SRPK2: variants seen among roughly 807,000 people sequenced by gnomAD.
SRPK2 encodes the protein SRSF protein kinase 2, also known as SFRS protein kinase 2.
Under a neutral mutation model 90.8 loss-of-function variants are expected in SRPK2, and 21 were observed. That is an observed-to-expected ratio of 0.23 (90% CI 0.16 to 0.33). The LOEUF is 0.33. Ranked by LOEUF, SRPK2 falls within the 10% of genes least tolerant of loss-of-function variation. The probability of loss-of-function intolerance (pLI) is 1.00; values close to 1 mark genes in which losing one functional copy is unlikely to be tolerated. For synonymous variants in SRPK2, 288 were observed against 311.1 expected, an observed-to-expected ratio of 0.93 and a Z score of 0.78; for missense variants, 620 against 869.0, an observed-to-expected ratio of 0.71 and a Z score of 3.60.
intron 2 of SRPK2, among the ~76,000 whole-genome samples, chr7:105,298,375 T>A (rs1346385872): frequency 1.3e-5 from 2 of 152,224 alleles, no homozygotes; most frequent in African/African-American, 4.8e-5. Flanking sequence ...TGTTTATCCA[T>A]TCACCAATTA....
chr7:105,121,471 T>C (rs990877763), intron 15 of SRPK2, among the ~76,000 whole-genome samples: 1 of 152,202 alleles, frequency 6.6e-6, no homozygotes, highest in African/African-American at 2.4e-5. Flanking sequence ...TTTTAGTTTC[T>C]TAAAGTTCCA....
At chr7:105,222,611 A>T (rs1403367695) in intron 2 of SRPK2, among the ~76,000 whole-genome samples, 1 of 152,244 alleles carries the variant, frequency 6.6e-6, no homozygotes, top group Non-Finnish European at 1.5e-5. Flanking sequence ...AAATACTATA[A>T]TGCCAAAGCA....
intron 2 of SRPK2, among the ~76,000 whole-genome samples, chr7:105,251,060 C>T (rs564348999): frequency 1.3e-5 from 2 of 152,318 alleles, no homozygotes; most frequent in African/African-American, 4.8e-5. Flanking sequence ...GGACACTGCA[C>T]AACTCATTAC....
At chr7:105,221,374 G>A (rs1798072707) in intron 2 of SRPK2, among the ~76,000 whole-genome samples, 2 of 152,174 alleles carry the variant, frequency 1.3e-5, no homozygotes, top group South Asian at 4.1e-4. Context: ...TTGAGCGAGT[G>A]ATACCCACTT....
intron 3 of SRPK2, among the ~76,000 whole-genome samples, chr7:105,181,955 G>A (rs1364279731): frequency 2.7e-5 from 4 of 150,704 alleles, no homozygotes; most frequent in African/African-American, 4.9e-5. Flanking sequence ...ATGGCCAGGC[G>A]CGGGGGCTCA....
chr7:105,391,183 A>AATTTATTT (rs67760645), upstream of SRPK2, among the ~76,000 whole-genome samples: 25,379 of 148,274 alleles, frequency 0.17, 2,737 homozygotes, highest in East Asian at 0.42. Context: ...ATGACTATAA[A>AATTTATTT]ATTTATTTAT....
intron 2 of SRPK2, chr7:105,301,774 A>C: frequency 1.3e-6 from 2 of 1,586,080 alleles, no homozygotes; most frequent in Non-Finnish European, 1.7e-6. Context: ...GCCAAGTTAC[A>C]GGAAGCAGTA....
chr7:105,155,576 C>A (rs2129580363), intron 7 of SRPK2, among the ~76,000 whole-genome samples: 1 of 152,276 alleles, frequency 6.6e-6, no homozygotes, highest in African/African-American at 2.4e-5. Flanking sequence ...GCCAGGGACG[C>A]TGCTAAACAT....
intron 2 of SRPK2, chr7:105,306,385 T>C: frequency 2.6e-6 from 1 of 385,608 alleles, no homozygotes; most frequent in South Asian, 2.0e-5. Flanking sequence ...GAATTATTTT[T>C]GCAAAGTACG....
At chr7:105,354,264 G>A (rs542979142) in intron 2 of SRPK2, among the ~76,000 whole-genome samples, 1 of 152,202 alleles carries the variant, frequency 6.6e-6, no homozygotes. Context: ...GGCAGTTTCT[G>A]TCCAGGACAG....
At chr7:105,148,031 C>T (rs1380784531) in intron 7 of SRPK2, among the ~76,000 whole-genome samples, 3 of 152,178 alleles carry the variant, frequency 2.0e-5, no homozygotes, top group South Asian at 2.1e-4. Flanking sequence ...TAGGAGTTAC[C>T]GTACTTAGGT....
intron 2 of SRPK2, among the ~76,000 whole-genome samples, chr7:105,255,709 AT>A (rs1803178866): frequency 6.6e-6 from 1 of 152,134 alleles, no homozygotes; most frequent in Non-Finnish European, 1.5e-5. Flanking sequence ...AGGCGGGCAG[AT>A]CACCTGAGGT....
At chr7:105,386,286 C>T (rs1481019396) in intron 2 of SRPK2, among the ~76,000 whole-genome samples, 1 of 144,152 alleles carries the variant, frequency 6.9e-6, no homozygotes, top group Non-Finnish European at 1.5e-5. Context: ...TGCCCTCCAG[C>T]CTGGGCAACA....
intron 2 of SRPK2, among the ~76,000 whole-genome samples, chr7:105,220,779 C>G (rs1193853180): frequency 1.3e-5 from 2 of 151,968 alleles, no homozygotes; most frequent in Non-Finnish European, 2.9e-5. Context: ...GACATCCAGA[C>G]CCCCAGCCCT....
At chr7:105,290,898 C>T (rs373239014) in intron 2 of SRPK2, among the ~76,000 whole-genome samples, 5,772 of 149,024 alleles carry the variant, frequency 0.039, 402 homozygotes, top group African/African-American at 0.13. Flanking sequence ...ATTGGCCGGG[C>T]GCGGTGGCGG....
intron 2 of SRPK2, among the ~76,000 whole-genome samples, chr7:105,280,109 T>C (rs1056805301): frequency 1.3e-5 from 2 of 152,186 alleles, no homozygotes; most frequent in Admixed American, 6.5e-5. Flanking sequence ...TTCACTGATA[T>C]TGGGATGTAC....
At chr7:105,364,557 T>C (rs1282990249) in intron 2 of SRPK2, among the ~76,000 whole-genome samples, 1 of 152,012 alleles carries the variant, frequency 6.6e-6, no homozygotes, top group African/African-American at 2.4e-5. Flanking sequence ...CCCGCCATCA[T>C]GCCTAGCTAA....
chr7:105,394,023 C>T (rs933837060), upstream of SRPK2, among the ~76,000 whole-genome samples: 6 of 152,132 alleles, frequency 3.9e-5, no homozygotes, highest in African/African-American at 1.4e-4. Context: ...CTGCACTAGG[C>T]CTAGGCAGCC....
intron 7 of SRPK2, 101 bp downstream of exon 7, chr7:105,160,406 T>C: frequency 1.5e-6 from 1 of 655,384 alleles, no homozygotes; most frequent in East Asian, 2.5e-5. Flanking sequence ...CATTATGCAC[T>C]GATACATATG....
Sources: gnomAD v4.1 joint callset for allele counts (sites outside exome capture counted in the v4.1 genomes callset) on GRCh38, gnomAD v4.1.1 for gene constraint, MANE v1.5 for transcripts, NCBI Gene and HGNC (gene_info 2026-07-23, HGNC 2026-07-21) for gene names.